The following LDLRAD4 variants were observed in gnomAD, a reference collection of about 807,000 sequenced individuals.
LDLRAD4 encodes the protein low density lipoprotein receptor class A domain containing 4.
A neutral mutation model predicts 17.0 loss-of-function variants in LDLRAD4; 5 were observed. That is an observed-to-expected ratio of 0.29 (90% CI 0.15 to 0.62). The LOEUF is 0.62. Among genes scored for constraint, LDLRAD4 ranks in the 20% least tolerant of loss-of-function variants. The probability of loss-of-function intolerance (pLI) is 0.84; values close to 1 mark genes in which losing one functional copy is unlikely to be tolerated. For synonymous variants in LDLRAD4, 168 were observed against 171.8 expected (o/e 0.98, Z 0.17); for missense variants, 340 against 424.7 (o/e 0.80, Z 1.75).
At chr18:13,443,847 C>A (rs781455193) in intron 3 of LDLRAD4, among the ~76,000 whole-genome samples, 73 of 152,276 alleles carry the variant, frequency 4.8e-4, no homozygotes, top group Non-Finnish European at 9.3e-4. Flanking sequence ...CTGTCCCACA[C>A]CATTCCTGCC....
intron 1 of LDLRAD4, among the ~76,000 whole-genome samples, chr18:13,308,149 G>A (rs1179920740): frequency 6.6e-6 from 1 of 152,006 alleles, no homozygotes; most frequent in Admixed American, 6.5e-5. Context: ...CCATGCTTTC[G>A]ACACTCAATG....
intron 1 of LDLRAD4, among the ~76,000 whole-genome samples, chr18:13,317,512 A>T (rs1000918914): frequency 1.3e-5 from 2 of 152,234 alleles, no homozygotes; most frequent in Non-Finnish European, 2.9e-5. Context: ...GAAATTGGTT[A>T]TCCTTTATCT....
chr18:13,330,814 C>G lies in LDLRAD4; in HGVS notation c.-383+52626C>G, dbSNP rs559581312. ...GAACCTTCAGCCCACCCCCACCCTC[C>G]AGGGAGGGGAGAACAGGTGAAGGTT... is the stretch of plus-strand genomic sequence containing the variant. On this transcript the variant is annotated intron_variant, in intron 1 of 5. Transcript: ENST00000359446. 7.4e-4 allele frequency among the ~76,000 whole-genome samples: 113 copies of G among 152,318 alleles called. 1 individual carries two copies. Among genetic ancestry groups the G allele is most frequent in the African/African-American group, 9.6e-5 (4 of 41,566 alleles).
At chr18:13,421,851 G>C (rs1284118948) in intron 2 of LDLRAD4, among the ~76,000 whole-genome samples, 1 of 152,214 alleles carries the variant, frequency 6.6e-6, no homozygotes, top group Non-Finnish European at 1.5e-5. Flanking sequence ...GCTAGCCTGG[G>C]GGACGGGCCT....
chr18:13,614,191 G>C (rs1392127654), intron 3 of LDLRAD4: 1 of 152,196 alleles, frequency 6.6e-6, no homozygotes, highest in African/African-American at 2.4e-5. Context: ...CTTTGTGCCA[G>C]GCACACACTA....
At chr18:13,247,182 G>T (rs997037107) in intron 1 of LDLRAD4, among the ~76,000 whole-genome samples, 1 of 152,182 alleles carries the variant, frequency 6.6e-6, no homozygotes, top group Non-Finnish European at 1.5e-5. Context: ...TTTAAACTCT[G>T]TATGCCTCCC....
intron 1 of LDLRAD4, among the ~76,000 whole-genome samples, chr18:13,356,312 G>T (rs1340845213): frequency 2.0e-5 from 3 of 152,224 alleles, no homozygotes; most frequent in Admixed American, 1.3e-4. Context: ...GCAGGCGCCC[G>T]CAGCTCTTGG....
At chr18:13,403,534 G>A (rs1296076342) in intron 2 of LDLRAD4, among the ~76,000 whole-genome samples, 1 of 152,196 alleles carries the variant, frequency 6.6e-6, no homozygotes, top group Non-Finnish European at 1.5e-5. Context: ...AACCCACAAC[G>A]CTGTGTGACC....
intron 3 of LDLRAD4, among the ~76,000 whole-genome samples, chr18:13,603,733 G>A (rs1175274535): frequency 6.6e-6 from 1 of 152,244 alleles, no homozygotes; most frequent in Non-Finnish European, 1.5e-5. Flanking sequence ...CGTCACTGGT[G>A]CCTTCACCCA....
intron 3 of LDLRAD4, among the ~76,000 whole-genome samples, chr18:13,596,408 A>T (rs1211758173): frequency 6.6e-6 from 1 of 151,964 alleles, no homozygotes; most frequent in African/African-American, 2.4e-5. Flanking sequence ...TTTGTTTCCT[A>T]TATGTCTCAT....
intron 3 of LDLRAD4, among the ~76,000 whole-genome samples, chr18:13,576,560 A>G (rs1356820542): frequency 6.6e-6 from 1 of 151,882 alleles, no homozygotes; most frequent in East Asian, 1.9e-4. Flanking sequence ...TTTGATTGGG[A>G]TTTACCATTT....
chr18:13,260,936 C>G (rs190924530), intron 1 of LDLRAD4, among the ~76,000 whole-genome samples: 1 of 152,252 alleles, frequency 6.6e-6, no homozygotes, highest in Non-Finnish European at 1.5e-5. Flanking sequence ...GCAGGGCTCA[C>G]TTTTCTTCCA....
At chr18:13,434,010 T>C (rs970458445) in intron 2 of LDLRAD4, among the ~76,000 whole-genome samples, 1 of 152,306 alleles carries the variant, frequency 6.6e-6, no homozygotes, top group African/African-American at 2.4e-5. Context: ...TCAGGCATTA[T>C]CCCTGGCCTG....
chr18:13,389,043 AGGTTGT>A (rs1302487887), intron 2 of LDLRAD4, among the ~76,000 whole-genome samples: 1 of 151,990 alleles, frequency 6.6e-6, no homozygotes, highest in Non-Finnish European at 1.5e-5. Flanking sequence ...CCTTCCTCCC[AGGTTGT>A]GGTGTGCGGG....
chr18:13,502,914 G>A (rs947377645), intron 3 of LDLRAD4, among the ~76,000 whole-genome samples: 2 of 152,218 alleles, frequency 1.3e-5, no homozygotes, highest in Admixed American at 6.5e-5. Context: ...TGCACACAGC[G>A]GCTATCTGCT....
At chr18:13,355,333 T>C (rs2083274740) in intron 1 of LDLRAD4, among the ~76,000 whole-genome samples, 1 of 152,228 alleles carries the variant, frequency 6.6e-6, no homozygotes, top group Non-Finnish European at 1.5e-5. Context: ...TCCATCTGGA[T>C]AACTTGGTCA....
intron 4 of LDLRAD4, among the ~76,000 whole-genome samples, chr18:13,640,546 A>C (rs903745713): frequency 2.0e-5 from 3 of 152,328 alleles, no homozygotes; most frequent in Admixed American, 6.5e-5. Context: ...ACCTCAGGGC[A>C]GAACACCTTT....
chr18:13,419,399 ATTTTTATTT>A (rs1375423651), intron 2 of LDLRAD4: 1 of 151,976 alleles, frequency 6.6e-6, no homozygotes. Context: ...TATCTTGGAG[ATTTTTATTT>A]TTTTTATTTT....
intron 2 of LDLRAD4, among the ~76,000 whole-genome samples, chr18:13,390,563 T>C (rs753946458): frequency 2.0e-5 from 3 of 152,182 alleles, no homozygotes; most frequent in Non-Finnish European, 4.4e-5. Context: ...TCCTAGGTGC[T>C]TGGCTCACTT....
Sources: gnomAD v4.1 joint callset for allele counts (sites outside exome capture counted in the v4.1 genomes callset) on GRCh38, gnomAD v4.1.1 for gene constraint, MANE v1.5 for transcripts, NCBI Gene and HGNC (gene_info 2026-07-23, HGNC 2026-07-21) for gene names.